The following TST variants were observed in gnomAD, a reference collection of about 807,000 sequenced individuals.
TST encodes epididymis secretory sperm binding protein.
A neutral mutation model predicts 20.4 loss-of-function variants in TST; 22 were observed. The observed-to-expected ratio is 1.08, with a 90% confidence interval of 0.77 to 1.54. The LOEUF (loss-of-function observed/expected upper bound fraction) is 1.54, where lower values mean the gene tolerates loss of function less well. TST is among the 40% of genes most tolerant of loss of function. The pLI, the probability that TST is intolerant of heterozygous loss-of-function variation, is 0.00. For synonymous variants in TST, 187 were observed against 173.8 expected, an observed-to-expected ratio of 1.08 and a Z score of -0.60; for missense variants, 392 against 405.2, an observed-to-expected ratio of 0.97 and a Z score of 0.28.
intron 2 of TST, among the ~76,000 whole-genome samples, chr22:37,012,922 A>G (rs1348855804): frequency 2.0e-5 from 3 of 151,870 alleles, no homozygotes; most frequent in Non-Finnish European, 4.4e-5. Flanking sequence ...TGCGCCTGTA[A>G]TCCCAGCTAC....
chr22:37,013,588 T>A (rs1922560661), intron 2 of TST, among the ~76,000 whole-genome samples: 1 of 152,148 alleles, frequency 6.6e-6, no homozygotes, highest in Non-Finnish European at 1.5e-5. Flanking sequence ...AGCAAGACTC[T>A]GTCTCAAAAA....
At chr22:37,018,050 G>A in intron 2 of TST, 88 bp downstream of exon 2, 1 of 1,040,514 alleles carries the variant, frequency 9.6e-7, no homozygotes, top group Non-Finnish European at 1.4e-6. Flanking sequence ...GCATGGGACG[G>A]ACCCTGGAGA....
At chr22:37,018,852 A>C in intron 1 of TST, 99 bp from the exon 2 acceptor site, 2 of 826,302 alleles carry the variant, frequency 2.4e-6, no homozygotes, top group South Asian at 2.4e-5. Flanking sequence ...CTCCCTCCGC[A>C]CTCCCCCGGG....
At chr22:37,013,253 A>G (rs561600055) in intron 2 of TST, 1 of 152,308 alleles carries the variant, frequency 6.6e-6, no homozygotes, top group East Asian at 1.9e-4. Flanking sequence ...TTTACAATCA[A>G]CTGATCACCA....
chr22:37,014,162 A>T lies in TST; in HGVS notation c.596-2837T>A, dbSNP rs1186361138. ...CGGATCACGAGGTCAGGAGATCGAGACCATCCTGGCTAACACGGTGAAACC... is the reference window on the plus strand; with the variant it reads ...CGGATCACGAGGTCAGGAGATCGAGTCCATCCTGGCTAACACGGTGAAACC... On this transcript the variant is annotated intron_variant, in intron 2 of 2. Coordinates refer to ENST00000249042, the MANE Select transcript of TST (RefSeq NM_003312.6). 5.3e-5 allele frequency among the ~76,000 whole-genome samples: 8 copies of T among 152,282 alleles called. No homozygotes were observed. The East Asian group carries it at 1.5e-3, about 29-fold the overall frequency.
chr22:37,018,829 G>A, intron 1 of TST, 76 bp from the exon 2 acceptor site: 1 of 1,068,542 alleles, frequency 9.4e-7, no homozygotes. Context: ...GTGAGGCCTG[G>A]GAGAAGCTCT....
At chr22:37,017,309 C>T (rs1173795890) in intron 2 of TST, among the ~76,000 whole-genome samples, 1 of 152,188 alleles carries the variant, frequency 6.6e-6, no homozygotes, top group Non-Finnish European at 1.5e-5. Flanking sequence ...GCCTTCCCTT[C>T]CACAGGAGGG....
upstream of TST, chr22:37,019,645 C>A (rs1182923879): frequency 2.2e-5 from 7 of 317,766 alleles, no homozygotes; most frequent in African/African-American, 1.3e-4. Flanking sequence ...GCGCGGGGGC[C>A]GCGCGGGCCT....
upstream of TST, chr22:37,019,959 A>T (rs1259247258): frequency 1.6e-6 from 1 of 630,274 alleles, no homozygotes; most frequent in African/African-American, 1.9e-5. Flanking sequence ...CCCGCGCGGG[A>T]CCTGGGCGGA....
chr22:37,016,103 C>T (rs11703941), intron 2 of TST, among the ~76,000 whole-genome samples: 13,434 of 151,842 alleles, frequency 0.088, 809 homozygotes, highest in Middle Eastern at 0.13. Flanking sequence ...ACCACCAACG[C>T]CTGGCTAATT....
At chr22:37,014,168 C>T (rs5750368) in intron 2 of TST, among the ~76,000 whole-genome samples, 59,899 of 151,916 alleles carry the variant, frequency 0.39, 12,116 homozygotes, top group East Asian at 0.53. Flanking sequence ...CGAGACCATC[C>T]TGGCTAACAC....
rs561703502 is a variant in TST at position 37,018,052 on chromosome 22, C to T, written c.595+86G>A. ...GGGAGGATTGAAGGCATGGGACGGA[C>T]CCTGGAGAGGGTCCCAGTCATCCTT... On this transcript the variant is annotated intron_variant, in intron 2 of 2. Coordinates refer to ENST00000249042, the MANE Select transcript of TST (RefSeq NM_003312.6). 9 of 1,073,202 alleles carry T rather than the reference C, an allele frequency of 8.4e-6. No individual in the cohort carries two copies. In the South Asian group the frequency reaches 1.4e-4, roughly 16 times the overall value. The allele number at this position is 1,073,202 out of a possible 1,614,324, so 66.5% of individuals were successfully genotyped here.
At chr22:37,019,776 T>G, upstream of TST, 2 of 771,698 alleles carry the variant, frequency 2.6e-6, no homozygotes, top group Non-Finnish European at 3.5e-6. Context: ...CCGCTGCAGG[T>G]TGGTGGCGGG....
chr22:37,014,865 G>A (rs917747607), intron 2 of TST, among the ~76,000 whole-genome samples: 4 of 152,170 alleles, frequency 2.6e-5, no homozygotes, highest in African/African-American at 9.7e-5. Flanking sequence ...TTTTACTAAG[G>A]AATCCAGAGC....
chr22:37,012,870 G>A (rs112436772), intron 2 of TST, among the ~76,000 whole-genome samples: 2,954 of 152,122 alleles, frequency 0.019, 38 homozygotes, highest in Non-Finnish European at 0.029. Context: ...GTGAAAACCC[G>A]TCTCTACTAA....
chr22:37,016,824 A>G (rs954515963), intron 2 of TST, among the ~76,000 whole-genome samples: 1 of 152,228 alleles, frequency 6.6e-6, no homozygotes, highest in Non-Finnish European at 1.5e-5. Flanking sequence ...TGCGCTGGAA[A>G]GGGCAGAGAC....
In TST at chr22:37,018,404, G is replaced by C; in HGVS notation, c.329C>G (p.Pro110Arg). Residue 110 changes from proline (P) to arginine (R), a missense_variant, in exon 2 of 3, where the codon CCC (proline) becomes CGC (arginine). Coordinates refer to ENST00000249042, the MANE Select transcript of TST (RefSeq NM_003312.6). ...CACACGGAACATCCACCAGACCCGG[G>C]GAGCATAGAAGCTGCCCAGGTGTTC... ...DGEHLGSFYA[P>R]RVWWMFRVFG... 6.2e-7 allele frequency: 1 copy of C among 1,613,796 alleles called. No individual in the cohort carries two copies. Among genetic ancestry groups the C allele is most frequent in the Non-Finnish European group, 8.5e-7 (1 of 1,180,012 alleles).
upstream of TST, chr22:37,020,026 TG>T (rs1922945286): frequency 1.2e-5 from 4 of 323,940 alleles, no homozygotes; most frequent in Non-Finnish European, 2.2e-5. Flanking sequence ...TAAGGGTGAC[TG>T]TCCGCTTGGG....
At chr22:37,014,277 G>A (rs1019923019) in intron 2 of TST, among the ~76,000 whole-genome samples, 5 of 152,250 alleles carry the variant, frequency 3.3e-5, no homozygotes, top group African/African-American at 1.2e-4. Context: ...GGCTGAGGCA[G>A]CAGAATGGCG....
Sources: gnomAD v4.1 joint callset for allele counts (sites outside exome capture counted in the v4.1 genomes callset) on GRCh38, gnomAD v4.1.1 for gene constraint, MANE v1.5 for transcripts, NCBI Gene and HGNC (gene_info 2026-07-23, HGNC 2026-07-21) for gene names.